FOXN3: variants seen among roughly 807,000 people sequenced by gnomAD.
FOXN3 encodes the protein forkhead box protein N3.
FOXN3 carries 7 observed loss-of-function variants against 38.4 expected under a neutral mutation model. That is an observed-to-expected ratio of 0.18 (90% CI 0.10 to 0.34). FOXN3 has a LOEUF of 0.34. Among genes scored for constraint, FOXN3 ranks in the 10% least tolerant of loss-of-function variants. The pLI, the probability that FOXN3 is intolerant of heterozygous loss-of-function variation, is 1.00. For synonymous variants in FOXN3, 230 were observed against 242.2 expected (o/e 0.95, Z 0.47); for missense variants, 456 against 613.4 (o/e 0.74, Z 2.71).
At chr14:89,399,690 C>A (rs117366705) in intron 2 of FOXN3, among the ~76,000 whole-genome samples, 63 of 152,306 alleles carry the variant, frequency 4.1e-4, no homozygotes, top group Non-Finnish European at 6.5e-4. Flanking sequence ...GCTGTAAGCC[C>A]TTCCTTCTGG....
chr14:89,261,712 GA>G (rs1885808405), intron 4 of FOXN3, among the ~76,000 whole-genome samples: 1 of 151,956 alleles, frequency 6.6e-6, no homozygotes, highest in Non-Finnish European at 1.5e-5. Context: ...GGCGGATCAC[GA>G]GGTCAGGAGA....
chr14:89,241,337 G>C (rs192786698), intron 4 of FOXN3, among the ~76,000 whole-genome samples: 33 of 152,260 alleles, frequency 2.2e-4, no homozygotes, highest in African/African-American at 7.2e-4. Context: ...CTTCTACTCA[G>C]CCACTTCCCT....
At chr14:89,459,180 G>A (rs1019320592) in intron 1 of FOXN3, among the ~76,000 whole-genome samples, 1 of 151,850 alleles carries the variant, frequency 6.6e-6, no homozygotes, top group Non-Finnish European at 1.5e-5. Context: ...AAGAAAAAAA[G>A]GGGAAAAAAA....
intron 4 of FOXN3, among the ~76,000 whole-genome samples, chr14:89,250,889 T>G (rs1018896509): frequency 7.9e-5 from 12 of 152,170 alleles, no homozygotes; most frequent in African/African-American, 2.9e-4. Context: ...CTGCCACCAT[T>G]TAAGACGTGA....
At chr14:89,606,519 T>C (rs1183890668) in intron 1 of FOXN3, among the ~76,000 whole-genome samples, 2 of 152,224 alleles carry the variant, frequency 1.3e-5, no homozygotes, top group Non-Finnish European at 2.9e-5. Context: ...CATATGTATC[T>C]AATACATGTG....
chr14:89,461,734 T>A (rs1208140041), intron 1 of FOXN3, among the ~76,000 whole-genome samples: 1 of 151,924 alleles, frequency 6.6e-6, no homozygotes. Flanking sequence ...GCTGGTGTAG[T>A]CAGGAGGAGC....
chr14:89,369,771 A>C (rs939748505), intron 2 of FOXN3, among the ~76,000 whole-genome samples: 2 of 152,216 alleles, frequency 1.3e-5, no homozygotes, highest in Admixed American at 1.3e-4. Context: ...TTATGATTCA[A>C]TTACCTCCCC....
At chr14:89,529,315 G>A (rs1189604510) in intron 1 of FOXN3, among the ~76,000 whole-genome samples, 1 of 152,132 alleles carries the variant, frequency 6.6e-6, no homozygotes, top group African/African-American at 2.4e-5. Context: ...TACCACAGAG[G>A]ATGCACCCTG....
At chr14:89,357,619 AAG>A (rs112652118) in intron 2 of FOXN3, among the ~76,000 whole-genome samples, 4 of 151,734 alleles carry the variant, frequency 2.6e-5, no homozygotes, top group South Asian at 2.1e-4. Context: ...AAAAAAAAAA[AAG>A]AGAGAGAGAG....
chr14:89,490,135 C>T lies in FOXN3; in HGVS notation c.-14-77645G>A, dbSNP rs148626283. On this transcript the variant is annotated intron_variant, in intron 1 of 6. Transcript: ENST00000345097. ...CTGGCCCAGTGATACGGTGCCCAGGCGCTGGGAGGCATGTGCTTTCTTTTT... is the reference window on the plus strand; with the variant it reads ...CTGGCCCAGTGATACGGTGCCCAGGTGCTGGGAGGCATGTGCTTTCTTTTT... Among the ~76,000 whole-genome samples, 739 of 152,306 alleles carry T rather than the reference C, an allele frequency of 4.9e-3. 2 individuals are homozygous for T. The highest frequency in any genetic ancestry group is 9.1e-3 in the South Asian group (44 of 4,824).
intron 2 of FOXN3, among the ~76,000 whole-genome samples, chr14:89,403,644 A>G (rs1297143953): frequency 1.3e-5 from 2 of 152,260 alleles, no homozygotes; most frequent in African/African-American, 4.8e-5. Flanking sequence ...TGCTGGTTGG[A>G]TATACAGGCA....
chr14:89,506,314 G>A lies in FOXN3; in HGVS notation c.-14-93824C>T, dbSNP rs557322805. On this transcript the variant is annotated intron_variant, in intron 1 of 6. Coordinates refer to the FOXN3 transcript ENST00000345097. ...CCCCGCCCGGCCAGCCGCCCCGTCC[G>A]GGAGGGAGGTGGGGGGGTCAGCCCC... Among the ~76,000 whole-genome samples, 314 of 74,392 alleles carry A rather than the reference G, an allele frequency of 4.2e-3. 5 individuals are homozygous for A. The highest frequency in any genetic ancestry group is 0.01 in the African/African-American group (255 of 24,490). 48.8% of individuals were successfully genotyped at this position (74,392 alleles called of 152,430 possible).
In FOXN3 at chr14:89,164,164, T is replaced by A. The variant is rs887230278; in HGVS notation, c.852-1195A>T. Among the ~76,000 whole-genome samples, 3 of 152,226 alleles carry A rather than the reference T, an allele frequency of 2.0e-5. No homozygotes were observed. The highest frequency in any genetic ancestry group is 4.4e-5 in the Non-Finnish European group (3 of 68,042). Reference sequence around the variant, plus strand: ...ATTCCTGGTTAGGACCCATGCTCCTTATGTCTGGGAGGCAGCTGCCTGTCT... The same window carrying A: ...ATTCCTGGTTAGGACCCATGCTCCTAATGTCTGGGAGGCAGCTGCCTGTCT... On this transcript the variant is annotated intron_variant, in intron 5 of 5. Coordinates refer to ENST00000557258, the MANE Select transcript of FOXN3 (RefSeq NM_005197.4). The surrounding 1 kb of genome is among the most constrained non-coding windows in gnomAD (Gnocchi z 4.3).
chr14:89,341,581 G>C (rs1284926012), intron 3 of FOXN3, among the ~76,000 whole-genome samples: 1 of 152,142 alleles, frequency 6.6e-6, no homozygotes, highest in Non-Finnish European at 1.5e-5. Flanking sequence ...AGTATTTAGT[G>C]TGACCAGAAC....
chr14:89,392,624 G>T (rs1890979833), intron 2 of FOXN3, among the ~76,000 whole-genome samples: 1 of 135,516 alleles, frequency 7.4e-6, no homozygotes, highest in Non-Finnish European at 1.6e-5. Flanking sequence ...CTGCACATGT[G>T]TCTGTGTCTC....
At chr14:89,619,046 C>A (rs757930903) in exon 1 of FOXN3, 1 of 152,480 alleles carries the variant, frequency 6.6e-6, no homozygotes, top group East Asian at 1.9e-4. Flanking sequence ...GCCTGCCCCC[C>A]CGCTGCTTCT....
chr14:89,175,224 G>A (rs888207515), intron 5 of FOXN3, among the ~76,000 whole-genome samples: 3 of 152,172 alleles, frequency 2.0e-5, no homozygotes, highest in African/African-American at 4.8e-5. Context: ...TTTTTCACTT[G>A]AGGTTGCTGG....
chr14:89,546,580 C>T (rs1193568124), intron 1 of FOXN3, among the ~76,000 whole-genome samples: 2 of 151,440 alleles, frequency 1.3e-5, no homozygotes, highest in South Asian at 2.1e-4. Context: ...CCACCCACCT[C>T]GGCCTCCCAA....
At chr14:89,230,790 C>T (rs1423324272) in intron 4 of FOXN3, 1 of 440,750 alleles carries the variant, frequency 2.3e-6, no homozygotes, top group Non-Finnish European at 4.6e-6. Flanking sequence ...TAGTAGAGGT[C>T]ACATCTGCTT....
Sources: allele counts gnomAD v4.1 joint callset (sites outside exome capture counted in the v4.1 genomes callset), GRCh38; gene constraint gnomAD v4.1.1; non-coding constraint Gnocchi (gnomAD v3.1); transcripts MANE v1.5; gene names NCBI Gene and HGNC (gene_info 2026-07-23, HGNC 2026-07-21).